WDR7: variants seen among roughly 807,000 people sequenced by gnomAD.
The protein encoded by WDR7 is WD repeat domain 7.
WDR7 carries 46 observed loss-of-function variants against 169.4 expected under a neutral mutation model. The ratio of observed to expected loss-of-function variants is 0.27; its 90% CI spans 0.21 to 0.35. The LOEUF (loss-of-function observed/expected upper bound fraction) is 0.35. Ranked by LOEUF, WDR7 falls within the 10% of genes least tolerant of loss-of-function variation. The pLI is 1.00. For synonymous variants in WDR7, 612 were observed against 666.8 expected, an observed-to-expected ratio of 0.92 and a Z score of 1.27; for missense variants, 1,534 against 1,859.3, an observed-to-expected ratio of 0.83 and a Z score of 3.22.
chr18:56,654,217 T>C (rs927549561), intron 1 of WDR7, among the ~76,000 whole-genome samples: 3 of 152,148 alleles, frequency 2.0e-5, no homozygotes, highest in African/African-American at 7.2e-5. Flanking sequence ...CTGCCATCTC[T>C]GTCTCCCAGG....
intron 19 of WDR7, among the ~76,000 whole-genome samples, chr18:56,805,632 C>G (rs1301497111): frequency 6.6e-6 from 1 of 151,920 alleles, no homozygotes; most frequent in South Asian, 2.1e-4. Flanking sequence ...ATTCTGATGA[C>G]CAGAAAGAGA....
chr18:57,018,774 T>G (rs1288249816), intron 26 of WDR7, among the ~76,000 whole-genome samples: 3 of 152,232 alleles, frequency 2.0e-5, no homozygotes, highest in Non-Finnish European at 4.4e-5. Flanking sequence ...TGTCCTCAGA[T>G]TGGCCCAATA....
chr18:56,686,819 T>C, intron 6 of WDR7, 36 bp from the exon 7 acceptor site: 5 of 1,466,506 alleles, frequency 3.4e-6, no homozygotes, highest in Non-Finnish European at 4.7e-6. Context: ...TTGACAATCA[T>C]GCTATTCCTA....
intron 19 of WDR7, among the ~76,000 whole-genome samples, chr18:56,804,823 C>T (rs1277234998): frequency 6.6e-6 from 1 of 152,190 alleles, no homozygotes; most frequent in African/African-American, 2.4e-5. Context: ...AGGAACATCT[C>T]TTCATTTATT....
intron 14 of WDR7, 122 bp from the exon 15 acceptor site, chr18:56,756,461 T>C (rs898549660): frequency 5.8e-6 from 5 of 861,410 alleles, no homozygotes; most frequent in Middle Eastern, 3.6e-4. Context: ...TTTCATGATA[T>C]AGGTTCCTAG....
intron 12 of WDR7, among the ~76,000 whole-genome samples, chr18:56,711,715 A>C (rs1275747347): frequency 1.3e-5 from 2 of 151,740 alleles, no homozygotes; most frequent in Non-Finnish European, 2.9e-5. Context: ...TTTTTAAATG[A>C]AGTTTGGATT....
chr18:56,899,769 G>A (rs1240798439), intron 21 of WDR7, among the ~76,000 whole-genome samples: 2 of 151,974 alleles, frequency 1.3e-5, no homozygotes, highest in Non-Finnish European at 2.9e-5. Flanking sequence ...TATATCTAAT[G>A]TGTAAGAAAT....
chr18:56,977,948 G>A (rs2047590658), intron 26 of WDR7, among the ~76,000 whole-genome samples: 1 of 152,174 alleles, frequency 6.6e-6, no homozygotes, highest in Non-Finnish European at 1.5e-5. Context: ...AAAACTTATA[G>A]TTGTAAATCT....
chr18:56,705,178 C>T (rs556999611), intron 12 of WDR7, among the ~76,000 whole-genome samples: 5 of 152,144 alleles, frequency 3.3e-5, no homozygotes, highest in African/African-American at 1.2e-4. Flanking sequence ...AAATGAATTA[C>T]CTTTTAAGTG....
intron 20 of WDR7, among the ~76,000 whole-genome samples, chr18:56,843,928 T>A (rs1467759145): frequency 6.6e-6 from 1 of 150,864 alleles, no homozygotes; most frequent in Admixed American, 6.6e-5. Flanking sequence ...AGTGGTACAA[T>A]CTTGGTTCAC....
At chr18:56,692,725 A>T (rs570501929) in intron 9 of WDR7, among the ~76,000 whole-genome samples, 1 of 152,298 alleles carries the variant, frequency 6.6e-6, no homozygotes, top group East Asian at 1.9e-4. Context: ...ACCAAAAAAA[A>T]AATCATTTTC....
intron 20 of WDR7, among the ~76,000 whole-genome samples, chr18:56,831,439 C>T (rs192430560): frequency 4.6e-5 from 7 of 152,234 alleles, no homozygotes; most frequent in African/African-American, 1.2e-4. Flanking sequence ...GATGCTGGGG[C>T]AAGTCGGGGT....
chr18:57,006,055 T>C (rs968550637), intron 26 of WDR7, among the ~76,000 whole-genome samples: 6 of 152,240 alleles, frequency 3.9e-5, no homozygotes, highest in Non-Finnish European at 7.3e-5. Flanking sequence ...GAAAATATTA[T>C]ATTAAATGGA....
chr18:57,001,398 G>A (rs924245673), intron 26 of WDR7, among the ~76,000 whole-genome samples: 4 of 151,928 alleles, frequency 2.6e-5, no homozygotes, highest in Non-Finnish European at 4.4e-5. Flanking sequence ...TTGAAAATGC[G>A]TTCTGGGGAA....
intron 25 of WDR7, among the ~76,000 whole-genome samples, chr18:56,943,805 A>G (rs1020075569): frequency 2.0e-5 from 3 of 152,118 alleles, no homozygotes; most frequent in African/African-American, 7.2e-5. Context: ...ATTTAAAAAC[A>G]GAATGTATTC....
chr18:57,027,046 G>A lies in WDR7; in HGVS notation c.4312G>A (p.Ala1438Thr), dbSNP rs985453261. Residue 1438 changes from alanine to threonine, a missense_variant, in exon 28 of 28, where the codon GCA (alanine) becomes ACA (threonine). Transcript: ENST00000254442. ...GGGAAGCATCGGCATGCTGAACTCG[G>A]CACCTCAGCTGCGCTGCATTAAAAC... is the stretch of plus-strand genomic sequence containing the variant. ...LLGSIGMLNS[A>T]PQLRCIKTYQ... The A allele has an allele frequency of 1.2e-6, 2 of 1,613,972 alleles. No individual in the cohort carries two copies. Among genetic ancestry groups the A allele is most frequent in the African/African-American group, 1.3e-5 (1 of 74,888 alleles).
chr18:57,024,761 A>ACTAT (rs2048339356), intron 27 of WDR7, among the ~76,000 whole-genome samples: 4 of 64,316 alleles, frequency 6.2e-5, no homozygotes, highest in East Asian at 4.3e-4. Context: ...GGGATATGTG[A>ACTAT]GCTATGATAG....
chr18:56,697,617 A>T (rs902127290), intron 12 of WDR7, among the ~76,000 whole-genome samples: 1 of 152,244 alleles, frequency 6.6e-6, no homozygotes, highest in East Asian at 1.9e-4. Context: ...TTGTAATTAC[A>T]TTAATAAATT....
At chr18:56,686,465 C>A (rs2025446719) in intron 6 of WDR7, among the ~76,000 whole-genome samples, 1 of 152,012 alleles carries the variant, frequency 6.6e-6, no homozygotes, top group South Asian at 2.1e-4. Context: ...TGAAGTCTGA[C>A]AATTTTGATG....
Sources: gnomAD v4.1 joint callset for allele counts (sites outside exome capture counted in the v4.1 genomes callset) on GRCh38, gnomAD v4.1.1 for gene constraint, MANE v1.5 for transcripts, NCBI Gene and HGNC (gene_info 2026-07-23, HGNC 2026-07-21) for gene names.